Variants in RIMS2 observed in about 807,000 individuals in gnomAD.
The protein encoded by RIMS2 is regulating synaptic membrane exocytosis 2.
In RIMS2, 59 loss-of-function variants were observed where a neutral mutation model predicts 174.4. The observed-to-expected ratio is 0.34, with a 90% CI of 0.27 to 0.42. The LOEUF (loss-of-function observed/expected upper bound fraction) is 0.42, where lower values mean the gene tolerates loss of function less well. RIMS2 is among the 10% of genes least tolerant of loss of function. The pLI is 1.00. For missense variants in RIMS2, 1,620 were observed against 1,666.3 expected, an observed-to-expected ratio of 0.97 and a Z score of 0.48; for synonymous variants, 606 against 572.5, an observed-to-expected ratio of 1.06 and a Z score of -0.84.
intron 1 of RIMS2, among the ~76,000 whole-genome samples, chr8:103,682,601 G>T (rs747196402): frequency 3.3e-5 from 5 of 152,060 alleles, no homozygotes; most frequent in African/African-American, 7.2e-5. Context: ...AAATGGGAAG[G>T]GAAGATATGA....
chr8:103,712,687 A>T (rs530245946), intron 2 of RIMS2, among the ~76,000 whole-genome samples: 1 of 152,274 alleles, frequency 6.6e-6, no homozygotes, highest in African/African-American at 2.4e-5. Context: ...ACATCACCAA[A>T]ACTGCAGGAT....
intron 1 of RIMS2, among the ~76,000 whole-genome samples, chr8:103,521,149 G>A (rs538044474): frequency 1.6e-5 from 2 of 126,998 alleles, no homozygotes; most frequent in East Asian, 2.9e-4. Flanking sequence ...GTGAAGGGAG[G>A]GGGGAGGGAT....
At chr8:103,699,175 CATTGATGCT>C (rs2097140718) in intron 2 of RIMS2, among the ~76,000 whole-genome samples, 1 of 152,162 alleles carries the variant, frequency 6.6e-6, no homozygotes, top group Non-Finnish European at 1.5e-5. Flanking sequence ...ATGGAATCTG[CATTGATGCT>C]ACCTCTTTCA....
chr8:104,162,370 T>A (rs569437087), intron 19 of RIMS2, among the ~76,000 whole-genome samples: 1 of 152,322 alleles, frequency 6.6e-6, no homozygotes, highest in South Asian at 2.1e-4. Context: ...TTTTCTAATA[T>A]AAAATTTAGA....
intron 19 of RIMS2, among the ~76,000 whole-genome samples, chr8:104,063,354 C>T (rs906647408): frequency 6.6e-6 from 1 of 152,034 alleles, no homozygotes; most frequent in African/African-American, 2.4e-5. Flanking sequence ...TCAAGGCAGT[C>T]CTTAGTTTTG....
chr8:103,759,059 C>T (rs1253028943), intron 2 of RIMS2, among the ~76,000 whole-genome samples: 1 of 152,112 alleles, frequency 6.6e-6, no homozygotes, highest in Non-Finnish European at 1.5e-5. Flanking sequence ...AGAAAGAAGA[C>T]AGGTGAGGCC....
chr8:103,834,314 C>A (rs374018510), intron 3 of RIMS2, among the ~76,000 whole-genome samples: 72 of 138,922 alleles, frequency 5.2e-4, no homozygotes, highest in East Asian at 3.5e-3. Context: ...AATTAAAAAT[C>A]TTTTCTTTTT....
chr8:104,072,807 A>G lies in RIMS2; in HGVS notation c.3334+58192A>G, dbSNP rs539901456. Reference sequence around the variant, plus strand: ...TGAAAGCATCTATAGAGCAATGCCTATTAAGCTACTGTCTTTCTAAGAATA... The same window carrying G: ...TGAAAGCATCTATAGAGCAATGCCTGTTAAGCTACTGTCTTTCTAAGAATA... On this transcript the variant is annotated intron_variant, in intron 19 of 23. Coordinates refer to ENST00000504942, the Ensembl canonical transcript of RIMS2. Among the ~76,000 whole-genome samples the G allele has an allele frequency of 2.4e-4, 36 of 152,310 alleles. 1 individual carries two copies. The East Asian group carries it at 6.4e-3, about 27-fold the overall frequency.
chr8:103,752,203 A>C (rs1165505746), intron 2 of RIMS2, among the ~76,000 whole-genome samples: 11 of 152,140 alleles, frequency 7.2e-5, no homozygotes, highest in Non-Finnish European at 1.6e-4. Flanking sequence ...TTTATTAAAT[A>C]GGGAATCCTT....
chr8:104,251,301 C>A, intron 23 of RIMS2, 138 bp downstream of exon 29: 1 of 760,744 alleles, frequency 1.3e-6, no homozygotes, highest in East Asian at 2.7e-5. Context: ...AAGCAGTGGC[C>A]CGTGCTATAA....
chr8:103,989,684 G>A (rs1041255477), intron 17 of RIMS2, among the ~76,000 whole-genome samples: 2 of 152,154 alleles, frequency 1.3e-5, no homozygotes, highest in South Asian at 2.1e-4. Context: ...AGTTAAGTTA[G>A]TGAATCTGTA....
chr8:103,789,647 A>C (rs1381290269), intron 3 of RIMS2, among the ~76,000 whole-genome samples: 1 of 151,956 alleles, frequency 6.6e-6, no homozygotes, highest in African/African-American at 2.4e-5. Context: ...TGCTCACTTC[A>C]GATTGCAAAT....
At chr8:103,812,934 G>A (rs1208708140) in intron 3 of RIMS2, among the ~76,000 whole-genome samples, 1 of 152,128 alleles carries the variant, frequency 6.6e-6, no homozygotes, top group Non-Finnish European at 1.5e-5. Flanking sequence ...GCTTCAAGTA[G>A]TCAGTAGAAC....
At chr8:103,639,071 G>A (rs1020613621) in intron 1 of RIMS2, among the ~76,000 whole-genome samples, 4 of 151,904 alleles carry the variant, frequency 2.6e-5, no homozygotes, top group Non-Finnish European at 5.9e-5. Context: ...CAGTATAAAT[G>A]TAGAATAGTT....
chr8:104,106,359 T>C (rs1314935230), intron 19 of RIMS2, among the ~76,000 whole-genome samples: 1 of 152,210 alleles, frequency 6.6e-6, no homozygotes, highest in Non-Finnish European at 1.5e-5. Context: ...TATTCAGAGA[T>C]GCCTGCACAG....
At chr8:103,610,350 A>G (rs940200855) in intron 1 of RIMS2, among the ~76,000 whole-genome samples, 6 of 152,260 alleles carry the variant, frequency 3.9e-5, no homozygotes, top group South Asian at 2.1e-4. Flanking sequence ...TGCTCTGGTC[A>G]GGACTTCCAA....
At chr8:103,980,339 A>G (rs755510504) in intron 16 of RIMS2, among the ~76,000 whole-genome samples, 10 of 152,126 alleles carry the variant, frequency 6.6e-5, no homozygotes, top group Non-Finnish European at 1.3e-4. Flanking sequence ...GCTAAAAGGA[A>G]GTTGCTGCCT....
chr8:104,198,033 T>C lies in RIMS2; in HGVS notation c.3335-46883T>C, dbSNP rs183657554. Among the ~76,000 whole-genome samples the C allele has an allele frequency of 1.4e-3, 219 of 152,278 alleles. 1 individual carries two copies. Among genetic ancestry groups the C allele is most frequent in the African/African-American group, 4.9e-3 (204 of 41,558 alleles). ...GTCAAAATCTTCAAAAGTATACCTA[T>C]GTTAATTGTGATTCAAAACCAATAA... On this transcript the variant is annotated intron_variant, in intron 19 of 23. Coordinates refer to ENST00000504942, the Ensembl canonical transcript of RIMS2.
At chr8:104,034,462 CTT>C (rs200907072) in intron 19 of RIMS2, among the ~76,000 whole-genome samples, 8 of 118,380 alleles carry the variant, frequency 6.8e-5, no homozygotes, top group Middle Eastern at 5.0e-3. Flanking sequence ...CTTGCAGTAT[CTT>C]TTTTTTTTTT....
Sources: gnomAD v4.1 joint callset for allele counts (sites outside exome capture counted in the v4.1 genomes callset) on GRCh38, gnomAD v4.1.1 for gene constraint, MANE v1.5 for transcripts, NCBI Gene and HGNC (gene_info 2026-07-23, HGNC 2026-07-21) for gene names.